The following SLC5A9 variants were observed in gnomAD, a reference collection of about 807,000 sequenced individuals.
SLC5A9 encodes the protein solute carrier family 5 member 9.
A neutral mutation model predicts 70.9 loss-of-function variants in SLC5A9; 59 were observed. The ratio of observed to expected loss-of-function variants is 0.83; its 90% CI spans 0.68 to 1.03. The LOEUF (loss-of-function observed/expected upper bound fraction) is 1.03. SLC5A9 is among the 50% of genes least tolerant of loss of function. SLC5A9 has a pLI of 0.00. For synonymous variants in SLC5A9, 340 were observed against 346.5 expected (o/e 0.98, Z 0.21); for missense variants, 832 against 881.1 (o/e 0.94, Z 0.71).
intron 2 of SLC5A9, among the ~76,000 whole-genome samples, chr1:48,226,256 AAGC>A (rs60479834): frequency 0.024 from 3,684 of 152,294 alleles, 158 homozygotes; most frequent in African/African-American, 0.083. Context: ...GAGGAGAAAG[AAGC>A]AGGACAGAGC....
chr1:48,242,877 T>C, intron 13 of SLC5A9, among the ~76,000 whole-genome samples: 1 of 152,166 alleles, frequency 6.6e-6, no homozygotes, highest in East Asian at 1.9e-4. Flanking sequence ...TTCCTAATAC[T>C]GAACCCCTGT....
intron 13 of SLC5A9, among the ~76,000 whole-genome samples, chr1:48,244,910 A>ATATATAT (rs56780309): frequency 2.5e-3 from 277 of 110,536 alleles, no homozygotes; most frequent in Non-Finnish European, 3.8e-3. Flanking sequence ...ATATATATAT[A>ATATATAT]AAACCTCTGT....
chr1:48,231,885 G>T (rs1450496766), intron 6 of SLC5A9, 61 bp from the exon 7 acceptor site: 8 of 1,604,966 alleles, frequency 5.0e-6, no homozygotes, highest in Admixed American at 1.7e-5. Context: ...CTGGGGCTGG[G>T]CTTGCTGAGT....
intron 13 of SLC5A9, 104 bp downstream of exon 13, chr1:48,242,720 A>G (rs1433041472): frequency 2.7e-6 from 3 of 1,119,468 alleles, no homozygotes; most frequent in African/African-American, 1.6e-5. Context: ...AGCCCAATAA[A>G]TATCACCCTA....
chr1:48,245,612 C>G (rs1215565257), intron 13 of SLC5A9, among the ~76,000 whole-genome samples: 1 of 152,184 alleles, frequency 6.6e-6, no homozygotes, highest in African/African-American at 2.4e-5. Context: ...CACCCCCTCT[C>G]CAAAGGCCTG....
chr1:48,223,131 C>T (rs1164155017), intron 1 of SLC5A9, among the ~76,000 whole-genome samples: 8 of 152,010 alleles, frequency 5.3e-5, no homozygotes, highest in Admixed American at 2.0e-4. Context: ...ACCAGGCCCC[C>T]GACTCCTGAC....
chr1:48,227,803 T>G (rs1007365925), intron 2 of SLC5A9: 1 of 152,370 alleles, frequency 6.6e-6, no homozygotes, highest in African/African-American at 2.4e-5. Context: ...TCCTCTCACT[T>G]TCTCTCTCAC....
chr1:48,233,484 G>A (rs183292457), intron 8 of SLC5A9, among the ~76,000 whole-genome samples, 171 bp from the exon 9 acceptor site: 6 of 151,748 alleles, frequency 4.0e-5, no homozygotes, highest in East Asian at 1.9e-4. Context: ...ATAAGTATAC[G>A]GACGAGAAAT....
At chr1:48,227,434 GT>G in intron 2 of SLC5A9, among the ~76,000 whole-genome samples, 1 of 31,086 alleles carries the variant, frequency 3.2e-5, no homozygotes, top group South Asian at 1.9e-3. Context: ...GTGTCAGAGT[GT>G]GTGTGTGTGT....
At chr1:48,234,767 G>T (rs1644304009) in intron 9 of SLC5A9, among the ~76,000 whole-genome samples, 2 of 152,136 alleles carry the variant, frequency 1.3e-5, no homozygotes, top group South Asian at 4.2e-4. Context: ...TGGCCATGGA[G>T]GGAGGCCCAG....
chr1:48,246,445 A>T (rs947658719), intron 13 of SLC5A9, among the ~76,000 whole-genome samples: 2 of 152,178 alleles, frequency 1.3e-5, no homozygotes, highest in Non-Finnish European at 2.9e-5. Flanking sequence ...TAAAGCAATC[A>T]TTCCCAGTAC....
Position 48,232,434 on chromosome 1 carries a change from G to T in SLC5A9, c.965G>T (p.Gly322Val). 1 of 1,614,152 alleles carries T rather than the reference G, an allele frequency of 6.2e-7. No homozygotes were observed. The highest frequency in any genetic ancestry group is 8.5e-7 in the Non-Finnish European group (1 of 1,180,006). ...GCCAAGGGAGGCTCCGTGCTGGGGG[G>T]CTACCTGAAGATCCTCCCCATGTTC... Reference protein sequence around the residue: ...SHAKGGSVLGGYLKILPMFFI... With the variant: ...SHAKGGSVLGVYLKILPMFFI... The change falls in exon 8 of 14, where the codon GGC becomes GTC. Residue 322 changes from glycine to valine, a missense_variant. By Grantham distance (109) the Gly-to-Val change is moderately radical. Transcript: ENST00000438567.
chr1:48,235,929 C>A (rs779031702), intron 10 of SLC5A9, 50 bp downstream of exon 10: 1 of 1,610,442 alleles, frequency 6.2e-7, no homozygotes, highest in Admixed American at 1.7e-5. Flanking sequence ...TCCCCTCTGC[C>A]CTGCCCTGGG....
intron 5 of SLC5A9, 120 bp from the exon 6 acceptor site, chr1:48,231,425 C>T: frequency 8.2e-7 from 1 of 1,225,444 alleles, no homozygotes; most frequent in Non-Finnish European, 1.1e-6. Context: ...GGCCAGAGTT[C>T]CCCTGCTAAG....
At chr1:48,245,238 C>A (rs533959051) in intron 13 of SLC5A9, among the ~76,000 whole-genome samples, 2 of 152,014 alleles carry the variant, frequency 1.3e-5, no homozygotes, top group African/African-American at 2.4e-5. Context: ...AGGGGCAAAG[C>A]TGCAAAGGAA....
chr1:48,234,169 A>T (rs1015817739), intron 9 of SLC5A9, among the ~76,000 whole-genome samples: 1 of 152,224 alleles, frequency 6.6e-6, no homozygotes, highest in South Asian at 2.1e-4. Flanking sequence ...AATCTTAGGC[A>T]GACACAGCCG....
In SLC5A9 at chr1:48,242,537, A is replaced by C; in HGVS notation, c.1758A>C (p.Ile586=). The C allele has an allele frequency of 6.2e-7, 1 of 1,613,832 alleles. No homozygotes were observed. Among genetic ancestry groups the C allele is most frequent in the South Asian group, 1.1e-5 (1 of 91,064 alleles). Residue 586 remains isoleucine, a synonymous_variant, in exon 13 of 14, where the codon ATA becomes ATC. Coordinates refer to ENST00000438567, the MANE Select transcript of SLC5A9 (RefSeq NM_001011547.3). ...AGGCCCACGAGAGCACACCGGAGAT[A>C]TCCGAGAGGCCAGCCGGGGAGTGCC... ...EKEAHESTPE[I]SERPAGECPA...
At chr1:48,223,024 G>T in intron 1 of SLC5A9, 126 bp downstream of exon 1, 1 of 998,996 alleles carries the variant, frequency 1.0e-6, no homozygotes, top group East Asian at 2.6e-5. Flanking sequence ...TGGCTGAGAA[G>T]GAAGGGCCTT....
rs1644475921 is a variant in SLC5A9 at position 48,247,752 on chromosome 1, A to G, written c.*209A>G. ...GAGAGCACTGGGTTTGTTCAGGACCACCCAGAAGGTGTCACACGGGGTTTC... is the reference window on the plus strand; with the variant it reads ...GAGAGCACTGGGTTTGTTCAGGACCGCCCAGAAGGTGTCACACGGGGTTTC... On this transcript the variant is annotated 3_prime_UTR_variant, in exon 14 of 14. Coordinates refer to ENST00000438567, the MANE Select transcript of SLC5A9 (RefSeq NM_001011547.3). The G allele has an allele frequency of 1.7e-6, 1 of 596,842 alleles. No homozygotes were observed. Among genetic ancestry groups the G allele is most frequent in the East Asian group, 2.8e-5 (1 of 35,884 alleles). The allele number at this position is 596,842 out of a possible 1,614,324, so 37.0% of individuals were successfully genotyped here.
Sources: gnomAD v4.1 joint callset for allele counts (sites outside exome capture counted in the v4.1 genomes callset) on GRCh38, gnomAD v4.1.1 for gene constraint, MANE v1.5 for transcripts, NCBI Gene and HGNC (gene_info 2026-07-23, HGNC 2026-07-21) for gene names.